The following PID1 variants were observed in gnomAD, a reference collection of about 807,000 sequenced individuals.
The protein encoded by PID1 is phosphotyrosine interaction domain containing 1.
A neutral mutation model predicts 19.1 loss-of-function variants in PID1; 10 were observed. The ratio of observed to expected loss-of-function variants is 0.52; its 90% CI spans 0.32 to 0.89. The LOEUF (loss-of-function observed/expected upper bound fraction) is 0.89. Ranked by LOEUF, PID1 falls within the 40% of genes least tolerant of loss-of-function variation. PID1 has a pLI of 0.03. For synonymous variants in PID1, 130 were observed against 116.0 expected (o/e 1.12, Z -0.78); for missense variants, 248 against 285.3 (o/e 0.87, Z 0.94).
chr2:229,234,509 G>A (rs1258266572), intron 1 of PID1, among the ~76,000 whole-genome samples: 2 of 152,174 alleles, frequency 1.3e-5, no homozygotes, highest in African/African-American at 4.8e-5. Context: ...TAGGCCTCCA[G>A]AAGTAACTCA....
chr2:229,217,100 T>C (rs1691864425), intron 1 of PID1, among the ~76,000 whole-genome samples: 1 of 152,170 alleles, frequency 6.6e-6, no homozygotes, highest in Admixed American at 6.5e-5. Flanking sequence ...TCCTTTACTT[T>C]CCATTAGCCT....
At chr2:229,123,106 A>G (rs1390116785) in intron 2 of PID1, among the ~76,000 whole-genome samples, 1 of 152,124 alleles carries the variant, frequency 6.6e-6, no homozygotes, top group African/African-American at 2.4e-5. Context: ...GATCATCACC[A>G]CAATCTAATT....
chr2:229,091,545 C>T (rs898432148), intron 2 of PID1, among the ~76,000 whole-genome samples: 1 of 152,106 alleles, frequency 6.6e-6, no homozygotes. Context: ...CTCTGAGGAA[C>T]AGAATTAGTG....
chr2:229,078,513 TATG>T (rs1205814111), intron 2 of PID1, among the ~76,000 whole-genome samples: 5 of 152,208 alleles, frequency 3.3e-5, no homozygotes, highest in African/African-American at 1.2e-4. Context: ...GCCCCTTCAG[TATG>T]ATATTAGCTG....
At chr2:229,233,416 G>T (rs1203488754) in intron 1 of PID1, among the ~76,000 whole-genome samples, 1 of 151,828 alleles carries the variant, frequency 6.6e-6, no homozygotes, top group Non-Finnish European at 1.5e-5. Flanking sequence ...GGGGCTGGGA[G>T]ACCAAGATGA....
intron 1 of PID1, among the ~76,000 whole-genome samples, chr2:229,221,019 C>A (rs1376154694): frequency 2.0e-5 from 3 of 152,158 alleles, no homozygotes; most frequent in Non-Finnish European, 4.4e-5. Flanking sequence ...ACTGAATTGG[C>A]CGATCAGTGT....
At chr2:229,045,747 G>T (rs1559207946) in intron 2 of PID1, among the ~76,000 whole-genome samples, 1 of 152,238 alleles carries the variant, frequency 6.6e-6, no homozygotes, top group Non-Finnish European at 1.5e-5. Flanking sequence ...TCAATCAACA[G>T]CAAATGTCTC....
At chr2:229,125,872 A>T (rs1695612314) in intron 2 of PID1, among the ~76,000 whole-genome samples, 1 of 152,176 alleles carries the variant, frequency 6.6e-6, no homozygotes, top group Non-Finnish European at 1.5e-5. Flanking sequence ...CATTGAAGAA[A>T]ATTGAGCATG....
chr2:229,124,663 C>G (rs1396709240), intron 2 of PID1, among the ~76,000 whole-genome samples: 1 of 151,718 alleles, frequency 6.6e-6, no homozygotes, highest in Non-Finnish European at 1.5e-5. Context: ...GATATTTGAC[C>G]TGCTGTTCAA....
intron 2 of PID1, among the ~76,000 whole-genome samples, chr2:229,063,392 G>A (rs1694255359): frequency 1.3e-5 from 2 of 152,002 alleles, no homozygotes; most frequent in South Asian, 4.1e-4. Flanking sequence ...ACTGGTTACT[G>A]AGGAGCATGT....
At position 229,242,009 on chromosome 2, in the gene PID1, GTGTTTT is replaced by G. The variant is rs80223945; in HGVS notation, c.30+28999_30+29004del. 2.4e-3 allele frequency among the ~76,000 whole-genome samples: 367 copies of G among 151,212 alleles called. 1 individual carries two copies. Among genetic ancestry groups the G allele is most frequent in the South Asian group, 7.5e-3 (36 of 4,772 alleles). ...TACAGAGCTATCACTCAGTAAATCA[GTGTTTT>G]TGTTTTTGTTTTTGTTTTTGTTTTT... is the stretch of plus-strand genomic sequence containing the variant. On this transcript the variant is annotated intron_variant, in intron 1 of 2. Coordinates refer to ENST00000392055, the MANE Select transcript of PID1 (RefSeq NM_001100818.2).
intron 2 of PID1, among the ~76,000 whole-genome samples, chr2:229,145,155 G>GTATA (rs5839309): frequency 0.055 from 6,591 of 119,568 alleles, 165 homozygotes; most frequent in South Asian, 0.12. Flanking sequence ...ATATGTATGT[G>GTATA]TATATATATA....
In PID1 at chr2:229,104,983, AC is replaced by A. The variant is rs565425451; in HGVS notation, c.177+50834del. ...CAGACACAAATGTTCCCAGAGACAA[AC>A]GCACTGCTCTGACAAAATTCCCAAG... On this transcript the variant is annotated intron_variant, in intron 2 of 2. Transcript: ENST00000392055. Among the ~76,000 whole-genome samples the A allele has an allele frequency of 2.0e-3, 300 of 152,340 alleles. 1 individual carries two copies. Among genetic ancestry groups the A allele is most frequent in the African/African-American group, 6.9e-3 (288 of 41,574 alleles).
At chr2:229,076,451 T>A (rs2106206844) in intron 2 of PID1, among the ~76,000 whole-genome samples, 1 of 152,258 alleles carries the variant, frequency 6.6e-6, no homozygotes, top group East Asian at 1.9e-4. Flanking sequence ...CGAGCAGTTT[T>A]GTTACACAGG....
intron 2 of PID1, among the ~76,000 whole-genome samples, chr2:229,064,560 ATAAG>A (rs761531129): frequency 2.0e-4 from 31 of 152,310 alleles, no homozygotes; most frequent in African/African-American, 6.5e-4. Context: ...TCCTCAAAAC[ATAAG>A]TAATTGTCCC....
At chr2:229,118,155 T>A (rs1695447090) in intron 2 of PID1, among the ~76,000 whole-genome samples, 1 of 152,062 alleles carries the variant, frequency 6.6e-6, no homozygotes, top group Non-Finnish European at 1.5e-5. Context: ...ACAAAGAAAG[T>A]GATTTGTTCA....
intron 1 of PID1, among the ~76,000 whole-genome samples, chr2:229,222,337 C>T (rs1006516210): frequency 6.6e-6 from 1 of 152,052 alleles, no homozygotes; most frequent in African/African-American, 2.4e-5. Flanking sequence ...TTTATTTTTC[C>T]GTACTTACTC....
chr2:229,229,323 G>A (rs1216094479), intron 1 of PID1, among the ~76,000 whole-genome samples: 2 of 152,082 alleles, frequency 1.3e-5, no homozygotes, highest in Non-Finnish European at 2.9e-5. Context: ...TTTTTTTGAT[G>A]CCATGCATCA....
At chr2:229,039,779 G>A (rs889882490) in intron 2 of PID1, among the ~76,000 whole-genome samples, 4 of 152,160 alleles carry the variant, frequency 2.6e-5, no homozygotes, top group Admixed American at 1.3e-4. Context: ...CAGAGAAACA[G>A]ACACTCATAT....
Sources: allele counts gnomAD v4.1 joint callset (sites outside exome capture counted in the v4.1 genomes callset), GRCh38; gene constraint gnomAD v4.1.1; transcripts MANE v1.5; gene names NCBI Gene and HGNC (gene_info 2026-07-23, HGNC 2026-07-21).